NLGN1: variants seen among roughly 807,000 people sequenced by gnomAD.
NLGN1 encodes the protein neuroligin-1.
In NLGN1, 12 loss-of-function variants were observed where a neutral mutation model predicts 65.5. The ratio of observed to expected loss-of-function variants is 0.18; its 90% CI spans 0.12 to 0.30. The LOEUF is 0.30. Ranked by LOEUF, NLGN1 falls within the 10% of genes least tolerant of loss-of-function variation. The probability of loss-of-function intolerance (pLI) is 1.00; values close to 1 mark genes in which losing one functional copy is unlikely to be tolerated. For missense variants in NLGN1, 750 were observed against 1,007.1 expected (o/e 0.74, Z 3.46); for synonymous variants, 350 against 359.5 (o/e 0.97, Z 0.30).
intron 1 of NLGN1, among the ~76,000 whole-genome samples, chr3:173,419,386 T>C (rs1714542450): frequency 6.6e-6 from 1 of 151,660 alleles, no homozygotes; most frequent in South Asian, 2.1e-4. Flanking sequence ...GGCTGGCATC[T>C]TCCCAGCTGG....
intron 4 of NLGN1, among the ~76,000 whole-genome samples, chr3:173,835,565 A>G (rs1455152496): frequency 7.1e-6 from 1 of 140,870 alleles, no homozygotes; most frequent in East Asian, 1.9e-4. Flanking sequence ...ATGGATAATA[A>G]TATGTTCAAA....
Position 174,187,266 on chromosome 3 carries a change from A to G in NLGN1, c.647-88049A>G, listed in dbSNP as rs200771575. On this transcript the variant is annotated intron_variant, in intron 4 of 6. Coordinates refer to ENST00000457714, the Ensembl canonical transcript of NLGN1. The stretch of plus-strand genomic sequence containing the variant: ...GCCTTGGATTTGTATTTTGACCCCC[A>G]TATTAGGAGTTACATGACATTAAAC... 9.9e-5 allele frequency among the ~76,000 whole-genome samples: 15 copies of G among 152,060 alleles called. No homozygotes were observed. The East Asian group carries it at 2.9e-3, about 29-fold the overall frequency.
intron 3 of NLGN1, among the ~76,000 whole-genome samples, chr3:173,726,497 A>G (rs1771801545): frequency 6.6e-6 from 1 of 152,056 alleles, no homozygotes; most frequent in Admixed American, 6.6e-5. Context: ...TTTGAGCTAT[A>G]AAGTGTTATA....
intron 4 of NLGN1, among the ~76,000 whole-genome samples, chr3:174,164,876 G>A (rs1261940995): frequency 6.6e-6 from 1 of 151,968 alleles, no homozygotes; most frequent in Admixed American, 6.6e-5. Context: ...GACATTGGCA[G>A]TTTGATAGGA....
intron 4 of NLGN1, among the ~76,000 whole-genome samples, chr3:174,013,388 C>T (rs1009925156): frequency 2.6e-5 from 4 of 152,116 alleles, no homozygotes; most frequent in Non-Finnish European, 5.9e-5. Context: ...ATCCTCAAAA[C>T]TGGCTGAAAT....
At chr3:173,512,969 C>T (rs1212386788) in intron 2 of NLGN1, among the ~76,000 whole-genome samples, 5 of 152,162 alleles carry the variant, frequency 3.3e-5, no homozygotes, top group Non-Finnish European at 7.4e-5. Flanking sequence ...AATTAGATCT[C>T]AGTCTTTTGG....
intron 3 of NLGN1, among the ~76,000 whole-genome samples, chr3:173,654,395 A>G (rs1310690525): frequency 1.3e-5 from 2 of 152,176 alleles, no homozygotes; most frequent in Non-Finnish European, 2.9e-5. Flanking sequence ...GTTTAGTAAA[A>G]TGAATAGTTT....
chr3:173,986,223 C>T (rs549991072), intron 4 of NLGN1, among the ~76,000 whole-genome samples: 48 of 152,226 alleles, frequency 3.2e-4, no homozygotes, highest in Non-Finnish European at 5.4e-4. Flanking sequence ...AATCCCAACA[C>T]TTTGGGAGGC....
intron 4 of NLGN1, among the ~76,000 whole-genome samples, chr3:173,844,407 T>A (rs1725361533): frequency 6.6e-6 from 1 of 152,192 alleles, no homozygotes; most frequent in African/African-American, 2.4e-5. Context: ...TTTGTTTATA[T>A]GGTCAGGTCT....
chr3:173,952,857 A>C (rs572991322), intron 4 of NLGN1, among the ~76,000 whole-genome samples: 3 of 150,730 alleles, frequency 2.0e-5, no homozygotes, highest in Admixed American at 6.6e-5. Flanking sequence ...AGCTCACTGC[A>C]ACCTCCACCT....
chr3:173,522,099 C>G (rs1456026746), intron 2 of NLGN1, among the ~76,000 whole-genome samples: 1 of 152,212 alleles, frequency 6.6e-6, no homozygotes, highest in Non-Finnish European at 1.5e-5. Context: ...TGCACACCTT[C>G]CAAGCTCCTT....
intron 2 of NLGN1, among the ~76,000 whole-genome samples, chr3:173,455,772 G>A (rs1178068042): frequency 6.6e-6 from 1 of 152,110 alleles, no homozygotes; most frequent in South Asian, 2.1e-4. Flanking sequence ...ATATATATAT[G>A]TTTATAGAGA....
chr3:173,771,028 C>T (rs997321058), intron 3 of NLGN1, among the ~76,000 whole-genome samples: 2 of 152,158 alleles, frequency 1.3e-5, no homozygotes, highest in Non-Finnish European at 2.9e-5. Context: ...CCTTTCACCT[C>T]TCAAAATCCC....
At chr3:174,213,423 C>T (rs1423228404) in intron 4 of NLGN1, among the ~76,000 whole-genome samples, 1 of 152,134 alleles carries the variant, frequency 6.6e-6, no homozygotes, top group Non-Finnish European at 1.5e-5. Context: ...GATTCTAAGA[C>T]TGGTTCAAAG....
chr3:173,635,087 A>T (rs182426126), intron 3 of NLGN1, among the ~76,000 whole-genome samples: 1 of 152,304 alleles, frequency 6.6e-6, no homozygotes, highest in Non-Finnish European at 1.5e-5. Flanking sequence ...GTCTGTGAAC[A>T]CTTATTTTGT....
At chr3:173,892,218 A>G (rs1174557729) in intron 4 of NLGN1, among the ~76,000 whole-genome samples, 1 of 136,454 alleles carries the variant, frequency 7.3e-6, no homozygotes, top group East Asian at 2.1e-4. Flanking sequence ...ATGTATTTGT[A>G]TGTTAAATCC....
chr3:174,284,894 C>T (rs984103145), exon 7 of NLGN1: 3 of 151,232 alleles, frequency 2.0e-5, no homozygotes, highest in Non-Finnish European at 4.4e-5. Flanking sequence ...TTTCCGACTT[C>T]CTGATCTGTA....
intron 3 of NLGN1, among the ~76,000 whole-genome samples, chr3:173,787,516 C>A (rs759438007): frequency 6.6e-6 from 1 of 152,018 alleles, no homozygotes; most frequent in Non-Finnish European, 1.5e-5. Flanking sequence ...AATATGGTAT[C>A]TTTGATAAAT....
At chr3:173,970,036 A>G (rs113522919) in intron 4 of NLGN1, among the ~76,000 whole-genome samples, 233 of 152,264 alleles carry the variant, frequency 1.5e-3, no homozygotes, top group African/African-American at 5.6e-3. Flanking sequence ...TGCATTAAGT[A>G]TGTGCATATC....
Sources: allele counts gnomAD v4.1 joint callset (sites outside exome capture counted in the v4.1 genomes callset), GRCh38; gene constraint gnomAD v4.1.1; transcripts MANE v1.5; gene names NCBI Gene and HGNC (gene_info 2026-07-23, HGNC 2026-07-21).